The following SNX4 variants were observed in gnomAD, a reference collection of about 807,000 sequenced individuals.
SNX4 encodes sorting nexin 4.
Under a neutral mutation model 70.8 loss-of-function variants are expected in SNX4, and 49 were observed. The ratio of observed to expected loss-of-function variants is 0.69; its 90% CI spans 0.55 to 0.88. SNX4 has a LOEUF of 0.88. Among genes scored for constraint, SNX4 ranks in the 40% least tolerant of loss-of-function variants. The pLI, the probability that SNX4 is intolerant of heterozygous loss-of-function variation, is 0.00. For synonymous variants in SNX4, 206 were observed against 183.8 expected (o/e 1.12, Z -0.98); for missense variants, 528 against 544.8 (o/e 0.97, Z 0.31).
At chr3:125,485,029 T>C (rs564072525) in intron 6 of SNX4, among the ~76,000 whole-genome samples, 4 of 151,862 alleles carry the variant, frequency 2.6e-5, no homozygotes, top group South Asian at 4.2e-4. Context: ...GTCACGCCAC[T>C]GCACTCCAGC....
chr3:125,460,632 G>A (rs1933854474), intron 10 of SNX4, 139 bp downstream of exon 10: 2 of 441,178 alleles, frequency 4.5e-6, no homozygotes, highest in Non-Finnish European at 8.1e-6. Context: ...GCAACACAGA[G>A]AAATACAATG....
At chr3:125,448,402 T>G (rs1933484071) in intron 13 of SNX4, among the ~76,000 whole-genome samples, 1 of 151,946 alleles carries the variant, frequency 6.6e-6, no homozygotes, top group South Asian at 2.1e-4. Context: ...CCCAAAGTGC[T>G]GGCATCACAG....
chr3:125,460,063 G>A (rs939367849), intron 10 of SNX4, among the ~76,000 whole-genome samples: 3 of 151,604 alleles, frequency 2.0e-5, no homozygotes, highest in East Asian at 2.0e-4. Flanking sequence ...GTGTGTTGGC[G>A]GGCGCCTGTA....
chr3:125,460,446 C>T (rs1933850327), intron 10 of SNX4, among the ~76,000 whole-genome samples: 1 of 152,100 alleles, frequency 6.6e-6, no homozygotes, highest in African/African-American at 2.4e-5. Flanking sequence ...TAGCAATATA[C>T]AACATAGTAA....
intron 10 of SNX4, 137 bp from the exon 11 acceptor site, chr3:125,457,502 T>C (rs1933753119): frequency 1.5e-6 from 1 of 660,460 alleles, no homozygotes. Context: ...GTTTAAAATG[T>C]AGTAGCCCAA....
chr3:125,493,867 TA>T (rs1483912153), intron 5 of SNX4, among the ~76,000 whole-genome samples: 1 of 150,806 alleles, frequency 6.6e-6, no homozygotes, highest in South Asian at 2.1e-4. Flanking sequence ...CCGTCTCTAC[TA>T]AAAAATACAA....
At position 125,495,277 on chromosome 3, in the gene SNX4, T is replaced by TATATATATATATATATATATACATACAC; in HGVS notation, c.597+2063_597+2064insGTGTATGTATATATATATATATATATAT. Among the ~76,000 whole-genome samples, 46 of 99,586 alleles carry TATATATATATATATATATATACATACAC rather than the reference T, an allele frequency of 4.6e-4. 2 individuals carry two copies. Among genetic ancestry groups the TATATATATATATATATATATACATACAC allele is most frequent in the Admixed American group, 3.3e-3 (27 of 8,114 alleles). 65.3% of individuals were successfully genotyped at this position (99,586 alleles called of 152,430 possible). A position where few individuals can be genotyped will look rare whatever the true frequency, so the allele number is the denominator to read the frequency against. The stretch of plus-strand genomic sequence containing the variant: ...ATATATATATATATATATATATATA[T>TATATATATATATATATATATACATACAC]ACACATACACACACACACACGTATG... On this transcript the variant is annotated intron_variant, in intron 5 of 13. Coordinates refer to ENST00000251775, the MANE Select transcript of SNX4 (RefSeq NM_003794.4).
At chr3:125,495,176 C>T (rs1195513267) in intron 5 of SNX4, among the ~76,000 whole-genome samples, 1 of 148,472 alleles carries the variant, frequency 6.7e-6, no homozygotes, top group Admixed American at 6.8e-5. Context: ...CAGCTTTCAA[C>T]TGTGATCAGA....
intron 1 of SNX4, 100 bp downstream of exon 1, chr3:125,519,932 C>A: frequency 1.8e-6 from 2 of 1,125,862 alleles, no homozygotes; most frequent in Non-Finnish European, 2.4e-6. Context: ...CTCGGCCGAG[C>A]CCACTGGCCC....
At chr3:125,490,025 A>G (rs1286022673) in intron 5 of SNX4, among the ~76,000 whole-genome samples, 1 of 152,084 alleles carries the variant, frequency 6.6e-6, no homozygotes. Context: ...GCTACTCGGG[A>G]GTCTGAGGCA....
At chr3:125,488,520 ACCT>A (rs1232576320) in intron 6 of SNX4, among the ~76,000 whole-genome samples, 13 of 151,934 alleles carry the variant, frequency 8.6e-5, no homozygotes, top group Admixed American at 7.9e-4. Flanking sequence ...TACCATCACA[ACCT>A]CCTAATTACC....
At chr3:125,511,069 T>C (rs1935162442) in intron 1 of SNX4, among the ~76,000 whole-genome samples, 1 of 152,110 alleles carries the variant, frequency 6.6e-6, no homozygotes, top group Non-Finnish European at 1.5e-5. Flanking sequence ...CAAGCATGCA[T>C]ACCACCGGAT....
intron 6 of SNX4, among the ~76,000 whole-genome samples, chr3:125,488,891 A>T (rs1487972746): frequency 6.6e-6 from 1 of 152,252 alleles, no homozygotes; most frequent in African/African-American, 2.4e-5. Flanking sequence ...AATCTTAAAT[A>T]CATAGGTCCC....
intron 1 of SNX4, among the ~76,000 whole-genome samples, chr3:125,507,779 C>A (rs1419894935): frequency 6.6e-6 from 1 of 152,048 alleles, no homozygotes; most frequent in East Asian, 1.9e-4. Context: ...AGCAAACTGT[C>A]CTTCAAAAGT....
intron 10 of SNX4, among the ~76,000 whole-genome samples, chr3:125,458,841 A>AAAAAG (rs1487355768): frequency 9.8e-4 from 81 of 83,030 alleles, no homozygotes; most frequent in African/African-American, 4.1e-3. Context: ...AAAAAAAAAA[A>AAAAAG]AAAAGAAAAG....
chr3:125,457,647 G>A (rs925558261), intron 10 of SNX4, among the ~76,000 whole-genome samples: 10 of 143,906 alleles, frequency 6.9e-5, no homozygotes, highest in African/African-American at 2.6e-4. Context: ...GCGCGATCTC[G>A]GCTCACTGCA....
At chr3:125,479,144 AC>A (rs1934349364) in intron 7 of SNX4, among the ~76,000 whole-genome samples, 1 of 152,056 alleles carries the variant, frequency 6.6e-6, no homozygotes, top group South Asian at 2.1e-4. Context: ...ATTTCTCAAC[AC>A]CCAGCTTCAG....
chr3:125,457,784 C>CCAGGCTGGTCTCAAA (rs1396796044), intron 10 of SNX4, among the ~76,000 whole-genome samples: 7 of 151,962 alleles, frequency 4.6e-5, no homozygotes, highest in Admixed American at 4.6e-4. Context: ...TCCATATTGG[C>CCAGGCTGGTCTCAAA]CAGGCTGGTC....
intron 9 of SNX4, among the ~76,000 whole-genome samples, chr3:125,466,806 C>T (rs1015122580): frequency 5.3e-5 from 8 of 151,840 alleles, no homozygotes; most frequent in African/African-American, 1.7e-4. Flanking sequence ...GAAAAAAAGC[C>T]GGACGCAGTG....
Sources: gnomAD v4.1 joint callset for allele counts (sites outside exome capture counted in the v4.1 genomes callset) on GRCh38, gnomAD v4.1.1 for gene constraint, MANE v1.5 for transcripts, NCBI Gene and HGNC (gene_info 2026-07-23, HGNC 2026-07-21) for gene names.